Variants in MAP4 observed in about 807,000 individuals in gnomAD.
The protein encoded by MAP4 is microtubule associated protein 4.
A neutral mutation model predicts 170.2 loss-of-function variants in MAP4; 76 were observed. That is an observed-to-expected ratio of 0.45 (90% CI 0.37 to 0.54). MAP4 has a LOEUF of 0.54. Among genes scored for constraint, MAP4 ranks in the 20% least tolerant of loss-of-function variants. The pLI, the probability that MAP4 is intolerant of heterozygous loss-of-function variation, is 0.00. For missense variants in MAP4, 2,506 were observed against 2,748.0 expected (o/e 0.91, Z 1.97); for synonymous variants, 909 against 994.5 (o/e 0.91, Z 1.62).
At chr3:47,970,456 C>T (rs1311295014) in intron 3 of MAP4, among the ~76,000 whole-genome samples, 1 of 150,952 alleles carries the variant, frequency 6.6e-6, no homozygotes, top group Non-Finnish European at 1.5e-5. Context: ...TTGCACTGCG[C>T]TCCAGCCTGG....
chr3:47,927,838 A>G (rs1278508841), intron 4 of MAP4, among the ~76,000 whole-genome samples: 2 of 152,164 alleles, frequency 1.3e-5, no homozygotes, highest in African/African-American at 4.8e-5. Flanking sequence ...GAGGATACAT[A>G]TATTTGGCAG....
At chr3:48,083,997 T>C (rs1398903630) in intron 1 of MAP4, among the ~76,000 whole-genome samples, 2 of 152,018 alleles carry the variant, frequency 1.3e-5, no homozygotes, top group East Asian at 1.9e-4. Flanking sequence ...AGTGCTGGGA[T>C]TACAGGCATG....
intron 1 of MAP4, among the ~76,000 whole-genome samples, chr3:48,071,707 T>C (rs917422499): frequency 2.6e-5 from 4 of 151,958 alleles, no homozygotes; most frequent in Admixed American, 1.3e-4. Context: ...GGTAGATCAC[T>C]AGAGGTCAGG....
intron 10 of MAP4, among the ~76,000 whole-genome samples, chr3:47,896,722 C>G (rs1221534322): frequency 1.3e-5 from 2 of 152,108 alleles, no homozygotes; most frequent in African/African-American, 4.8e-5. Context: ...ACAAAACAAC[C>G]ACTACTACTC....
intron 1 of MAP4, among the ~76,000 whole-genome samples, chr3:48,066,563 C>T (rs551384472): frequency 4.9e-4 from 74 of 151,918 alleles, no homozygotes; most frequent in African/African-American, 1.6e-3. Context: ...GCGCAATCTC[C>T]GCTCACTGCA....
chr3:48,051,812 T>C (rs2100128048), intron 1 of MAP4, among the ~76,000 whole-genome samples: 1 of 152,192 alleles, frequency 6.6e-6, no homozygotes, highest in Admixed American at 6.5e-5. Flanking sequence ...CTTTTTTCTA[T>C]CATCTGTATA....
rs1255413632 is a variant in MAP4, at chr3:48,026,790, C to G, written c.-19-27911G>C. On this transcript the variant is annotated intron_variant, in intron 1 of 18. Transcript: ENST00000360240. ...ACATCATTATTTCCATATAGAACCA[C>G]CAACAATTAATTAGTTCAAACTAAA... 2.0e-5 allele frequency among the ~76,000 whole-genome samples: 3 copies of G among 152,092 alleles called. No homozygotes were observed. In the East Asian group the frequency reaches 5.8e-4, roughly 29 times the overall value.
At chr3:48,020,767 AAT>A (rs1218970664), upstream of MAP4, among the ~76,000 whole-genome samples, 1 of 152,204 alleles carries the variant, frequency 6.6e-6, no homozygotes, top group African/African-American at 2.4e-5. Context: ...AGGGTTAAGC[AAT>A]ATGAGTATTA....
intron 4 of MAP4, among the ~76,000 whole-genome samples, chr3:47,922,634 T>A (rs557646027): frequency 5.7e-4 from 87 of 151,794 alleles, no homozygotes; most frequent in Non-Finnish European, 1.1e-3. Context: ...ATTTCAAAAC[T>A]GTCTGAATGG....
intron 1 of MAP4, among the ~76,000 whole-genome samples, chr3:48,069,567 C>T (rs2100139979): frequency 2.0e-5 from 3 of 152,190 alleles, no homozygotes; most frequent in African/African-American, 7.2e-5. Flanking sequence ...GAAAGGCACC[C>T]CACCTCTGGC....
chr3:48,046,332 G>A (rs1454990817), intron 1 of MAP4, among the ~76,000 whole-genome samples: 4 of 152,130 alleles, frequency 2.6e-5, no homozygotes, highest in Non-Finnish European at 2.9e-5. Context: ...AGCTGGCAGC[G>A]AATTTTGTAC....
chr3:47,905,030 CCA>C lies in MAP4; in HGVS notation c.5384-2032_5384-2031del, dbSNP rs146348317. Among the ~76,000 whole-genome samples the C allele has an allele frequency of 1.3e-3, 202 of 152,172 alleles. 1 individual carries two copies. The highest frequency in any genetic ancestry group is 4.6e-3 in the African/African-American group (190 of 41,546). ...GGAAACCATGGGTGACACCATTTGA[CCA>C]CAAGACGAATGAGAACAAGATATGT... On this transcript the variant is annotated intron_variant, in intron 9 of 20. Coordinates refer to ENST00000683076, the MANE Select transcript of MAP4 (RefSeq NM_001385682.1).
rs1461498931 is a variant in MAP4, at chr3:48,041,960, C to G, written c.-19-43081G>C. 3.3e-5 allele frequency among the ~76,000 whole-genome samples: 5 copies of G among 152,210 alleles called. No homozygotes were observed. In the South Asian group the frequency reaches 8.3e-4, roughly 25 times the overall value. ...CACCCGAATTCCACCAGGAGAGATGCTCCTGCTCTCAGGACCTTTCCAGAC... is the reference window on the plus strand; with the variant it reads ...CACCCGAATTCCACCAGGAGAGATGGTCCTGCTCTCAGGACCTTTCCAGAC... On this transcript the variant is annotated intron_variant, in intron 1 of 18. Coordinates refer to the MAP4 transcript ENST00000360240.
At chr3:47,968,902 G>C (rs2100076749) in intron 3 of MAP4, among the ~76,000 whole-genome samples, 1 of 151,994 alleles carries the variant, frequency 6.6e-6, no homozygotes, top group Admixed American at 6.6e-5. Context: ...GAAATGAAAA[G>C]GAGATATCAC....
chr3:47,997,887 A>C (rs1008155393), intron 2 of MAP4, among the ~76,000 whole-genome samples: 5 of 152,230 alleles, frequency 3.3e-5, no homozygotes, highest in Non-Finnish European at 7.3e-5. Context: ...AGCTAACTTA[A>C]GAAACAGATA....
In MAP4 at chr3:47,905,063, T is replaced by C. The variant is rs565022898; in HGVS notation, c.5384-2063A>G. On this transcript the variant is annotated intron_variant, in intron 9 of 20. Coordinates refer to ENST00000683076, the MANE Select transcript of MAP4 (RefSeq NM_001385682.1). Reference sequence around the variant, plus strand: ...CGAATGAGAACAAGATATGTGAGAATTGGTAGCAATATGGGGGCAGGGCAG... The same window carrying C: ...CGAATGAGAACAAGATATGTGAGAACTGGTAGCAATATGGGGGCAGGGCAG... Among the ~76,000 whole-genome samples the C allele has an allele frequency of 5.9e-5, 9 of 152,238 alleles. No individual in the cohort carries two copies. The South Asian group carries it at 1.7e-3, about 28-fold the overall frequency.
At chr3:47,885,628 C>A (rs2097454809) in intron 10 of MAP4, among the ~76,000 whole-genome samples, 1 of 152,006 alleles carries the variant, frequency 6.6e-6, no homozygotes, top group Admixed American at 6.6e-5. Context: ...GATGTTTGAA[C>A]CATATGTACT....
intron 3 of MAP4, among the ~76,000 whole-genome samples, chr3:47,944,758 A>T (rs889088027): frequency 1.3e-5 from 2 of 151,796 alleles, no homozygotes; most frequent in Non-Finnish European, 2.9e-5. Context: ...AGTAAAATCC[A>T]AACTGTTTAT....
intron 1 of MAP4, among the ~76,000 whole-genome samples, chr3:48,066,960 C>T (rs952779865): frequency 3.3e-5 from 5 of 151,002 alleles, no homozygotes; most frequent in African/African-American, 1.2e-4. Context: ...CCTGCCTCAG[C>T]CTCCTGAGCA....
Sources: allele counts gnomAD v4.1 joint callset (sites outside exome capture counted in the v4.1 genomes callset), GRCh38; gene constraint gnomAD v4.1.1; transcripts MANE v1.5; gene names NCBI Gene and HGNC (gene_info 2026-07-23, HGNC 2026-07-21).